Variants in UCMA observed in about 807,000 individuals in gnomAD.
The protein encoded by UCMA is upper zone of growth plate and cartilage matrix associated.
A neutral mutation model predicts 21.8 loss-of-function variants in UCMA; 21 were observed. The ratio of observed to expected loss-of-function variants is 0.97; its 90% CI spans 0.68 to 1.39. The LOEUF is 1.39. Ranked by LOEUF, UCMA falls within the 40% of genes most tolerant of loss-of-function variation. The pLI, the probability that UCMA is intolerant of heterozygous loss-of-function variation, is 0.00. For synonymous variants in UCMA, 76 were observed against 67.9 expected (o/e 1.12, Z -0.58); for missense variants, 193 against 178.9 (o/e 1.08, Z -0.45).
chr10:13,232,956 C>A (rs1834918182), intron 3 of UCMA, among the ~76,000 whole-genome samples: 1 of 142,952 alleles, frequency 7.0e-6, no homozygotes, highest in African/African-American at 2.5e-5. Flanking sequence ...AAAAAAAAAA[C>A]CTCTGCTGGC....
chr10:13,232,145 A>AG (rs5783317), intron 3 of UCMA, among the ~76,000 whole-genome samples: 41,623 of 151,902 alleles, frequency 0.27, 5,993 homozygotes, highest in East Asian at 0.45. Flanking sequence ...AGGCCGAGGC[A>AG]GGGGGGTCAC....
chr10:13,231,972 T>G (rs917947640), intron 3 of UCMA, among the ~76,000 whole-genome samples: 2 of 152,138 alleles, frequency 1.3e-5, no homozygotes, highest in African/African-American at 4.8e-5. Flanking sequence ...TCCTGGGTGT[T>G]CACCAGGCTG....
intron 3 of UCMA, among the ~76,000 whole-genome samples, chr10:13,230,845 T>C (rs1400813846): frequency 2.6e-5 from 4 of 152,112 alleles, no homozygotes; most frequent in Admixed American, 2.6e-4. Context: ...TCACTTGAGG[T>C]CAGGAGTTCA....
chr10:13,232,635 C>G (rs555492957), intron 3 of UCMA, among the ~76,000 whole-genome samples: 1 of 152,136 alleles, frequency 6.6e-6, no homozygotes. Flanking sequence ...GCATTTCTAT[C>G]TCTGTTCTTC....
intron 4 of UCMA, among the ~76,000 whole-genome samples, chr10:13,227,466 C>A (rs1588489563): frequency 6.6e-6 from 1 of 152,216 alleles, no homozygotes; most frequent in Non-Finnish European, 1.5e-5. Flanking sequence ...GCCTATAATC[C>A]CAGCACTTTG....
chr10:13,224,220 G>T (rs781756255), intron 4 of UCMA, among the ~76,000 whole-genome samples: 1 of 151,998 alleles, frequency 6.6e-6, no homozygotes, highest in Non-Finnish European at 1.5e-5. Flanking sequence ...CCAACTACTT[G>T]GGAGGCTGAG....
chr10:13,229,533 T>C (rs1588490481), intron 4 of UCMA, 78 bp downstream of exon 4: 1 of 1,292,008 alleles, frequency 7.7e-7, no homozygotes. Flanking sequence ...AAAAGTTGGG[T>C]AGAAGAAGAG....
intron 3 of UCMA, 77 bp downstream of exon 3, chr10:13,233,461 C>A: frequency 8.3e-7 from 1 of 1,201,476 alleles, no homozygotes; most frequent in Non-Finnish European, 1.2e-6. Context: ...GCCCGGCTGA[C>A]TGTGGGAGAG....
chr10:13,227,391 G>A (rs905489766), intron 4 of UCMA, among the ~76,000 whole-genome samples: 1 of 152,200 alleles, frequency 6.6e-6, no homozygotes, highest in Non-Finnish European at 1.5e-5. Flanking sequence ...TTCCTCAGGA[G>A]CATTACAATC....
intron 3 of UCMA, among the ~76,000 whole-genome samples, chr10:13,233,113 G>C (rs565711478): frequency 6.6e-6 from 1 of 152,274 alleles, no homozygotes; most frequent in Non-Finnish European, 1.5e-5. Flanking sequence ...CGATGCTGTT[G>C]CTCTTATACA....
chr10:13,229,526 A>AT, intron 4 of UCMA, 85 bp downstream of exon 4: 1 of 1,221,618 alleles, frequency 8.2e-7, no homozygotes, highest in Non-Finnish European at 1.2e-6. Flanking sequence ...AAAAAAAAAA[A>AT]GTTGGGTAGA....
At chr10:13,233,872 T>C (rs1834934554) in intron 1 of UCMA, 72 bp from the exon 2 acceptor site, 1 of 1,581,076 alleles carries the variant, frequency 6.3e-7, no homozygotes, top group South Asian at 1.1e-5. Flanking sequence ...AGTCCCCATC[T>C]CTCTTTCCAG....
chr10:13,234,277 T>C lies in UCMA; in HGVS notation c.-19A>G. The stretch of plus-strand genomic sequence containing the variant: ...AAGTCATCTTTGCAGAGGTAGGGGC[T>C]CCGTCCAGGACCCACAAGGCAGACC... On this transcript the variant is annotated 5_prime_UTR_variant, in exon 1 of 5. Transcript: ENST00000378681. The C allele has an allele frequency of 6.2e-7, 1 of 1,612,802 alleles. No individual in the cohort carries two copies. Among genetic ancestry groups the C allele is most frequent in the Non-Finnish European group, 8.5e-7 (1 of 1,179,780 alleles).
At chr10:13,228,179 C>A (rs555201033) in intron 4 of UCMA, among the ~76,000 whole-genome samples, 113 of 152,068 alleles carry the variant, frequency 7.4e-4, no homozygotes, top group Non-Finnish European at 1.4e-3. Context: ...CCTGCCTCAG[C>A]CTCCCAAGTA....
At chr10:13,233,322 C>CCGTCCAGGACCCACAAGGCAGACCAGG (rs1834923688) in intron 3 of UCMA, among the ~76,000 whole-genome samples, 2 of 152,206 alleles carry the variant, frequency 1.3e-5, no homozygotes, top group African/African-American at 4.8e-5. Flanking sequence ...GGTGGGGCCT[C>CCGTCCAGGACCCACAAGGCAGACCAGG]CTAACCCTGA....
At chr10:13,229,834 G>A (rs4750320) in intron 3 of UCMA, 125 bp from the exon 4 acceptor site, 300,031 of 693,902 alleles carry the variant, frequency 0.43, 66,715 homozygotes, top group East Asian at 0.63. Flanking sequence ...GTGGGGGATT[G>A]TGATTGGAGA....
At chr10:13,227,746 A>ACACACACACACG (rs1380151710) in intron 4 of UCMA, among the ~76,000 whole-genome samples, 3 of 84,892 alleles carry the variant, frequency 3.5e-5, no homozygotes, top group Non-Finnish European at 5.6e-5. Flanking sequence ...AAGGAAATAC[A>ACACACACACACG]CACACACACA....
intron 3 of UCMA, among the ~76,000 whole-genome samples, 173 bp from the exon 4 acceptor site, chr10:13,229,882 A>C (rs1257296547): frequency 6.6e-6 from 1 of 152,090 alleles, no homozygotes; most frequent in Non-Finnish European, 1.5e-5. Flanking sequence ...CAGACTTTAA[A>C]ACTTGAAGGT....
rs570437536 is a variant in UCMA at position 13,234,227 on chromosome 10, C to G, written c.32G>C (p.Cys11Ser). The change falls in exon 1 of 5, where the codon TGC becomes TCC. Residue 11 changes from cysteine (C) to serine (S), a missense_variant. By Grantham distance (112) the Cys-to-Ser change is moderately radical (BLOSUM62 -1). Coordinates refer to ENST00000378681, the MANE Select transcript of UCMA (RefSeq NM_145314.3). Reference protein sequence around the residue: MTWRQAVLLSCFSAVVLLSML... With the variant: MTWRQAVLLSSFSAVVLLSML... ...AGACAGGAGCACCACGGCGGAGAAG[C>G]AAGACAGCAGGACGGCCTGTCTCCA... 13 of 1,613,336 alleles carry G rather than the reference C, an allele frequency of 8.1e-6. No individual in the cohort carries two copies. The East Asian group carries it at 2.5e-4, about 30-fold the overall frequency.
Sources: gnomAD v4.1 joint callset for allele counts (sites outside exome capture counted in the v4.1 genomes callset) on GRCh38, gnomAD v4.1.1 for gene constraint, MANE v1.5 for transcripts, NCBI Gene and HGNC (gene_info 2026-07-23, HGNC 2026-07-21) for gene names.